ZMIZ1: variants seen among roughly 807,000 people sequenced by gnomAD.
ZMIZ1 encodes the protein zinc finger MIZ-type containing 1, also known as zinc finger MIZ domain-containing protein 1.
A neutral mutation model predicts 113.9 loss-of-function variants in ZMIZ1; 17 were observed. That is an observed-to-expected ratio of 0.15 (90% confidence interval 0.10 to 0.22). The LOEUF (loss-of-function observed/expected upper bound fraction) is 0.22, where lower values mean the gene tolerates loss of function less well. Ranked by LOEUF, ZMIZ1 falls within the 10% of genes least tolerant of loss-of-function variation. The pLI is 1.00. For synonymous variants in ZMIZ1, 607 were observed against 603.1 expected (o/e 1.01, Z -0.09); for missense variants, 1,059 against 1,477.8 (o/e 0.72, Z 4.65).
At chr10:79,223,742 G>A (rs1329063490) in intron 7 of ZMIZ1, among the ~76,000 whole-genome samples, 2 of 152,234 alleles carry the variant, frequency 1.3e-5, no homozygotes, top group Non-Finnish European at 2.9e-5. Flanking sequence ...GTCAGATGTG[G>A]AGTACAGGGA....
In ZMIZ1 at chr10:79,267,270, G is replaced by C. The variant is rs60421773; in HGVS notation, c.281-9911G>C. Among the ~76,000 whole-genome samples, 3 of 152,340 alleles carry C rather than the reference G, an allele frequency of 2.0e-5. No individual in the cohort carries two copies. In the East Asian group the frequency reaches 5.8e-4, roughly 29 times the overall value. The stretch of plus-strand genomic sequence containing the variant: ...TGCCCCAGGGAGCACCCAGTGTGAA[G>C]GGGTGGTGTGAGGCTGGGCACTCCT... On this transcript the variant is annotated intron_variant, in intron 7 of 24. Transcript: ENST00000334512.
chr10:79,286,857 G>A (rs1017744930), intron 8 of ZMIZ1, among the ~76,000 whole-genome samples: 5 of 152,306 alleles, frequency 3.3e-5, no homozygotes, highest in South Asian at 2.1e-4. Flanking sequence ...GGGCCCTGCC[G>A]GCCCCTGGGG....
Position 79,130,683 on chromosome 10 carries a change from G to A in ZMIZ1, c.-226-8999G>A, listed in dbSNP as rs546010840. ...ATTCCGGCTCCATCACTGACTAACC[G>A]TGTGACCTTGGGCAGTCACTTAACC... is the stretch of plus-strand genomic sequence containing the variant. On this transcript the variant is annotated intron_variant, in intron 2 of 24. Coordinates refer to ENST00000334512, the MANE Select transcript of ZMIZ1 (RefSeq NM_020338.4). Among the ~76,000 whole-genome samples the A allele has an allele frequency of 1.4e-3, 216 of 152,210 alleles. 1 individual carries two copies. The highest frequency in any genetic ancestry group is 2.6e-3 in the Non-Finnish European group (176 of 68,002).
chr10:79,216,129 G>C, intron 6 of ZMIZ1, 40 bp from the exon 7 acceptor site: 1 of 1,418,498 alleles, frequency 7.0e-7, no homozygotes, highest in Non-Finnish European at 9.3e-7. Context: ...TTGGCTCTGG[G>C]CTCCGTGACT....
intron 1 of ZMIZ1, among the ~76,000 whole-genome samples, chr10:79,106,692 C>T (rs891979121): frequency 1.3e-5 from 2 of 152,260 alleles, no homozygotes; most frequent in African/African-American, 4.8e-5. Flanking sequence ...TTAGGAAGCT[C>T]TTGTTCATTC....
chr10:79,166,026 G>T (rs1292490140), intron 4 of ZMIZ1, among the ~76,000 whole-genome samples: 1 of 151,228 alleles, frequency 6.6e-6, no homozygotes, highest in African/African-American at 2.4e-5. Context: ...GGGTGGGGCA[G>T]TGGGTCCATC....
intron 1 of ZMIZ1, among the ~76,000 whole-genome samples, chr10:79,094,179 C>T (rs939937107): frequency 3.3e-5 from 5 of 152,216 alleles, no homozygotes; most frequent in African/African-American, 7.2e-5. Flanking sequence ...AACCCTTCCT[C>T]CGACCTGGCT....
At chr10:79,254,267 CA>C (rs1850737299) in intron 7 of ZMIZ1, among the ~76,000 whole-genome samples, 4 of 152,228 alleles carry the variant, frequency 2.6e-5, no homozygotes, top group Admixed American at 2.6e-4. Flanking sequence ...TAGGGAAGTT[CA>C]GGGCCAGAAC....
At chr10:79,081,269 C>T (rs898391616) in intron 1 of ZMIZ1, among the ~76,000 whole-genome samples, 1 of 152,204 alleles carries the variant, frequency 6.6e-6, no homozygotes, top group African/African-American at 2.4e-5. Context: ...GAGTCTAAGG[C>T]TGGAGAAGGC....
intron 4 of ZMIZ1, among the ~76,000 whole-genome samples, chr10:79,175,610 G>GTA (rs879769144): frequency 0.015 from 1,891 of 122,226 alleles, 67 homozygotes; most frequent in African/African-American, 0.062. Flanking sequence ...GTGTGTGTGT[G>GTA]TGTGTGTGTG....
At chr10:79,134,630 TC>T (rs143538716) in intron 2 of ZMIZ1, among the ~76,000 whole-genome samples, 1 of 152,286 alleles carries the variant, frequency 6.6e-6, no homozygotes, top group Non-Finnish European at 1.5e-5. Context: ...GATTGAGACT[TC>T]CCCAGGACTG....
At chr10:79,200,892 C>T (rs1178995598) in intron 4 of ZMIZ1, among the ~76,000 whole-genome samples, 2 of 152,134 alleles carry the variant, frequency 1.3e-5, no homozygotes, top group African/African-American at 2.4e-5. Context: ...CCTGCATGCA[C>T]ATGTATGAAC....
intron 4 of ZMIZ1, among the ~76,000 whole-genome samples, chr10:79,180,097 G>A (rs1409844800): frequency 6.6e-6 from 1 of 152,354 alleles, no homozygotes; most frequent in African/African-American, 2.4e-5. Context: ...GAAGGAGACA[G>A]GTGGAGAGAA....
At chr10:79,103,022 G>T (rs1014047237) in intron 1 of ZMIZ1, among the ~76,000 whole-genome samples, 1 of 152,210 alleles carries the variant, frequency 6.6e-6, no homozygotes, top group Non-Finnish European at 1.5e-5. Flanking sequence ...CTCGTAGTAC[G>T]TGCAGTACAG....
chr10:79,255,310 C>T (rs1321054722), intron 7 of ZMIZ1, among the ~76,000 whole-genome samples: 4 of 152,224 alleles, frequency 2.6e-5, no homozygotes, highest in East Asian at 1.9e-4. Flanking sequence ...GAAGGCCGGG[C>T]TCTAGCCCTG....
intron 7 of ZMIZ1, among the ~76,000 whole-genome samples, chr10:79,258,518 C>G (rs967589234): frequency 2.0e-5 from 3 of 152,250 alleles, no homozygotes; most frequent in African/African-American, 7.2e-5. Flanking sequence ...CAGCACAAAT[C>G]AACATTTCCA....
At chr10:79,153,026 G>A (rs1302567383) in intron 3 of ZMIZ1, among the ~76,000 whole-genome samples, 4 of 152,244 alleles carry the variant, frequency 2.6e-5, no homozygotes, top group Non-Finnish European at 5.9e-5. Context: ...GGTGAAGGGT[G>A]ACTCCCCTGA....
In ZMIZ1 at chr10:79,196,174, C is replaced by G. The variant is rs1847825002; in HGVS notation, c.-49-5410C>G. ...GACCTCAACAGTTTAAAAATGTCACCTCACCTGTAGGTGCCTCCATAATCC... is the reference window on the plus strand; with the variant it reads ...GACCTCAACAGTTTAAAAATGTCACGTCACCTGTAGGTGCCTCCATAATCC... On this transcript the variant is annotated intron_variant, in intron 4 of 24. Coordinates refer to ENST00000334512, the MANE Select transcript of ZMIZ1 (RefSeq NM_020338.4). Among the ~76,000 whole-genome samples, 4 of 152,326 alleles carry G rather than the reference C, an allele frequency of 2.6e-5. No individual in the cohort carries two copies. In the South Asian group the frequency reaches 8.3e-4, roughly 32 times the overall value.
At chr10:79,244,046 G>T (rs747223995) in intron 7 of ZMIZ1, among the ~76,000 whole-genome samples, 1 of 152,248 alleles carries the variant, frequency 6.6e-6, no homozygotes, top group Non-Finnish European at 1.5e-5. Flanking sequence ...ATTTTACGAG[G>T]CTCTGTGCTC....
Sources: gnomAD v4.1 joint callset for allele counts (sites outside exome capture counted in the v4.1 genomes callset) on GRCh38, gnomAD v4.1.1 for gene constraint, MANE v1.5 for transcripts, NCBI Gene and HGNC (gene_info 2026-07-23, HGNC 2026-07-21) for gene names.